The following PDE4D variants were observed in gnomAD, a reference collection of about 807,000 sequenced individuals.
PDE4D encodes the protein 3',5'-cyclic-AMP phosphodiesterase 4D.
Under a neutral mutation model 87.4 loss-of-function variants are expected in PDE4D, and 24 were observed. That is an observed-to-expected ratio of 0.27 (90% CI 0.20 to 0.39). PDE4D has a LOEUF of 0.39. Among genes scored for constraint, PDE4D ranks in the 10% least tolerant of loss-of-function variants. PDE4D has a pLI of 1.00. For missense variants in PDE4D, 714 were observed against 1,041.0 expected, an observed-to-expected ratio of 0.69 and a Z score of 4.32; for synonymous variants, 384 against 383.2, an observed-to-expected ratio of 1.00 and a Z score of -0.02.
At chr5:59,251,004 T>G (rs878863436) in intron 1 of PDE4D, among the ~76,000 whole-genome samples, 7 of 152,188 alleles carry the variant, frequency 4.6e-5, no homozygotes, top group African/African-American at 1.7e-4. Context: ...GACCCCTTCC[T>G]TTCACCATAC....
chr5:59,963,671 T>C (rs1759716276), intron 3 of PDE4D, among the ~76,000 whole-genome samples: 1 of 152,218 alleles, frequency 6.6e-6, no homozygotes, highest in African/African-American at 2.4e-5. Flanking sequence ...CATTACTCTT[T>C]CCATTAGTAA....
At chr5:59,484,198 G>C (rs1458993607) in intron 1 of PDE4D, among the ~76,000 whole-genome samples, 1 of 152,172 alleles carries the variant, frequency 6.6e-6, no homozygotes, top group African/African-American at 2.4e-5. Context: ...TGACAGGCAG[G>C]TTCTTAGAAA....
At chr5:60,224,546 G>A (rs1744867094) in intron 1 of PDE4D, among the ~76,000 whole-genome samples, 1 of 152,070 alleles carries the variant, frequency 6.6e-6, no homozygotes, top group Admixed American at 6.5e-5. Context: ...ATGGATGGAA[G>A]ACAGGACTTA....
chr5:59,155,174 A>C lies in PDE4D; in HGVS notation c.808+25421T>G, dbSNP rs190907296. Among the ~76,000 whole-genome samples the C allele has an allele frequency of 1.2e-3, 184 of 152,316 alleles. 1 individual carries two copies. Among genetic ancestry groups the C allele is most frequent in the African/African-American group, 4.0e-3 (165 of 41,570 alleles). ...AAATACAACTATGAGGTACATGAAAACATCTACAGAGTACACAGAGTGAGA... is the reference window on the plus strand; with the variant it reads ...AAATACAACTATGAGGTACATGAAACCATCTACAGAGTACACAGAGTGAGA... On this transcript the variant is annotated intron_variant, in intron 5 of 14. Coordinates refer to ENST00000340635, the MANE Select transcript of PDE4D (RefSeq NM_001104631.2).
upstream of PDE4D, chr5:60,489,534 G>A (rs1189042783): frequency 6.6e-6 from 1 of 152,132 alleles, no homozygotes; most frequent in Non-Finnish European, 1.5e-5. Flanking sequence ...AACAGAAAAA[G>A]TAATCCATTG....
intron 1 of PDE4D, among the ~76,000 whole-genome samples, chr5:59,577,700 C>G (rs1482319938): frequency 6.6e-6 from 1 of 152,104 alleles, no homozygotes; most frequent in Admixed American, 6.6e-5. Context: ...TAGTGGTGAG[C>G]ACTGAATGCT....
intron 1 of PDE4D, among the ~76,000 whole-genome samples, chr5:60,253,828 T>A (rs572555199): frequency 6.6e-6 from 1 of 151,928 alleles, no homozygotes; most frequent in Non-Finnish European, 1.5e-5. Flanking sequence ...GGACTGTCGG[T>A]ATTTCAGAAA....
intron 1 of PDE4D, among the ~76,000 whole-genome samples, chr5:59,740,294 T>C (rs998938292): frequency 6.6e-6 from 1 of 152,202 alleles, no homozygotes; most frequent in East Asian, 1.9e-4. Context: ...AAAATATTTT[T>C]GATAATGACC....
At chr5:59,180,470 G>GAGA in intron 5 of PDE4D, 125 bp downstream of exon 5, 1 of 787,296 alleles carries the variant, frequency 1.3e-6, no homozygotes, top group Non-Finnish European at 2.2e-6. Context: ...TGATAATGTA[G>GAGA]AGAAGAAAGA....
intron 1 of PDE4D, among the ~76,000 whole-genome samples, chr5:59,602,790 C>A (rs559138699): frequency 1.3e-5 from 2 of 152,194 alleles, no homozygotes; most frequent in African/African-American, 4.8e-5. Context: ...TCAAAATACA[C>A]AACAAAGTTG....
rs190459771 is a variant in PDE4D at position 59,921,984 on chromosome 5, C to T, written c.272+66504G>A. On this transcript the variant is annotated intron_variant, in intron 3 of 16. Coordinates refer to the PDE4D transcript ENST00000502484. The stretch of plus-strand genomic sequence containing the variant: ...AAAGTCTTGAATGGCCGATGCCACC[C>T]CTCCCCCATGCGTCAGCAGTGGCCA... 4.6e-5 allele frequency among the ~76,000 whole-genome samples: 7 copies of T among 152,294 alleles called. No individual in the cohort carries two copies. The East Asian group carries it at 1.4e-3, about 29-fold the overall frequency.
At chr5:60,362,116 T>G (rs1760127045) in intron 1 of PDE4D, among the ~76,000 whole-genome samples, 1 of 152,236 alleles carries the variant, frequency 6.6e-6, no homozygotes, top group Admixed American at 6.5e-5. Flanking sequence ...AGGCAATTTA[T>G]GTCCTACAGA....
At position 59,893,478 on chromosome 5, in the gene PDE4D, G is replaced by A. The variant is rs911899480; in HGVS notation, c.145C>T (p.Arg49Cys). 9.1e-6 allele frequency: 14 copies of A among 1,537,386 alleles called. No individual in the cohort carries two copies. Residue 49 changes from arginine to cysteine, a missense_variant, in exon 1 of 15, where the codon CGC becomes TGC. This residue lies in a region of PDE4D where 268 missense variants were observed against 272.9 expected (regional missense o/e 0.98). Transcript: ENST00000340635. The part of the protein sequence containing the change: ...HQYPLRQPQF[R>C]LLHPHHHLPP... ...AGGTGGTGATGGGGATGCAGGAGGCGGAACTGGGGCTGCCGGAGCGGGTAC... is the reference window on the plus strand; with the variant it reads ...AGGTGGTGATGGGGATGCAGGAGGCAGAACTGGGGCTGCCGGAGCGGGTAC...
chr5:59,390,754 C>A lies in PDE4D; in HGVS notation c.456-174786G>T, dbSNP rs182979130. ...AGGTAAGGGGAAGATATTTAAGAGGCGGCAAATAACATAAGAAATAGCTTG... is the reference window on the plus strand; with the variant it reads ...AGGTAAGGGGAAGATATTTAAGAGGAGGCAAATAACATAAGAAATAGCTTG... On this transcript the variant is annotated intron_variant, in intron 1 of 14. Transcript: ENST00000340635. Among the ~76,000 whole-genome samples the A allele has an allele frequency of 2.2e-3, 336 of 152,060 alleles. 3 individuals are homozygous for A. Among genetic ancestry groups the A allele is most frequent in the Non-Finnish European group, 3.5e-3 (235 of 67,942 alleles).
At chr5:60,090,625 T>G (rs1336753475) in intron 2 of PDE4D, among the ~76,000 whole-genome samples, 1 of 152,108 alleles carries the variant, frequency 6.6e-6, no homozygotes, top group African/African-American at 2.4e-5. Flanking sequence ...AACAAGACAA[T>G]GATGCCCACT....
intron 2 of PDE4D, among the ~76,000 whole-genome samples, chr5:60,098,369 G>A (rs902305867): frequency 6.6e-6 from 1 of 151,780 alleles, no homozygotes; most frequent in Non-Finnish European, 1.5e-5. Flanking sequence ...TATATTACAT[G>A]GACAGTAAAG....
chr5:59,802,200 C>T (rs1767207804), intron 1 of PDE4D, among the ~76,000 whole-genome samples: 1 of 151,700 alleles, frequency 6.6e-6, no homozygotes, highest in Non-Finnish European at 1.5e-5. Context: ...ACCTCTGGGA[C>T]ATGAAGATCA....
At chr5:60,321,893 G>GTT (rs34510283) in intron 1 of PDE4D, among the ~76,000 whole-genome samples, 1 of 148,464 alleles carries the variant, frequency 6.7e-6, no homozygotes, top group Admixed American at 6.7e-5. Context: ...AAAAAATACT[G>GTT]TTTTTTTTTT....
At chr5:59,227,222 G>C (rs1484313301) in intron 1 of PDE4D, among the ~76,000 whole-genome samples, 1 of 152,102 alleles carries the variant, frequency 6.6e-6, no homozygotes, top group Non-Finnish European at 1.5e-5. Flanking sequence ...ATAGCGTCTT[G>C]TTAACAAAGT....
Sources: allele counts gnomAD v4.1 joint callset (sites outside exome capture counted in the v4.1 genomes callset), GRCh38; gene constraint gnomAD v4.1.1; regional missense constraint gnomAD v4.1.1; transcripts MANE v1.5; gene names NCBI Gene and HGNC (gene_info 2026-07-23, HGNC 2026-07-21).